ACO1: variants seen among roughly 807,000 people sequenced by gnomAD.
The protein encoded by ACO1 is aconitase 1.
A neutral mutation model predicts 105.1 loss-of-function variants in ACO1; 78 were observed. That is an observed-to-expected ratio of 0.74 (90% CI 0.62 to 0.90). ACO1 has a LOEUF of 0.90. Ranked by LOEUF, ACO1 falls within the 40% of genes least tolerant of loss-of-function variation. The pLI, the probability that ACO1 is intolerant of heterozygous loss-of-function variation, is 0.00. For synonymous variants in ACO1, 364 were observed against 397.4 expected, an observed-to-expected ratio of 0.92 and a Z score of 1.00; for missense variants, 965 against 1,111.1, an observed-to-expected ratio of 0.87 and a Z score of 1.87.
At chr9:32,444,504 A>G (rs1301252414) in intron 19 of ACO1, among the ~76,000 whole-genome samples, 1 of 152,132 alleles carries the variant, frequency 6.6e-6, no homozygotes, top group African/African-American at 2.4e-5. Context: ...CTGACTTTTT[A>G]ATGATCGCCA....
At chr9:32,449,241 C>T (rs1185258766) in intron 20 of ACO1, among the ~76,000 whole-genome samples, 160 bp downstream of exon 20, 1 of 152,030 alleles carries the variant, frequency 6.6e-6, no homozygotes, top group East Asian at 1.9e-4. Context: ...TTCTACCTGC[C>T]TTCATAGCAT....
At chr9:32,432,658 A>G (rs1390298345) in intron 15 of ACO1, among the ~76,000 whole-genome samples, 1 of 152,220 alleles carries the variant, frequency 6.6e-6, no homozygotes, top group Non-Finnish European at 1.5e-5. Flanking sequence ...CTGGAAGGCC[A>G]CTTCCCAAAA....
chr9:32,450,048 G>A lies in ACO1; in HGVS notation c.2607G>A (p.Val869=). 6.2e-7 allele frequency: 1 copy of A among 1,614,120 alleles called. No individual in the cohort carries two copies. Residue 869 remains valine, a synonymous_variant, in exon 21 of 21, where the codon GTG becomes GTA. Coordinates refer to ENST00000309951, the MANE Select transcript of ACO1 (RefSeq NM_002197.3). ...FQAVMRFDTD[V]ELTYFLNGGI... Reference sequence around the variant, plus strand: ...CTGTCATGAGGTTTGACACTGATGTGGAGCTCACTTATTTCCTCAACGGGG... The same window carrying A: ...CTGTCATGAGGTTTGACACTGATGTAGAGCTCACTTATTTCCTCAACGGGG...
At chr9:32,393,964 C>A (rs1821319413) in intron 1 of ACO1, among the ~76,000 whole-genome samples, 1 of 152,148 alleles carries the variant, frequency 6.6e-6, no homozygotes, top group African/African-American at 2.4e-5. Flanking sequence ...AAAATCAAAT[C>A]TCATCTTAAA....
At chr9:32,418,778 C>G (rs1205393406) in intron 6 of ACO1, among the ~76,000 whole-genome samples, 1 of 152,088 alleles carries the variant, frequency 6.6e-6, no homozygotes, top group Admixed American at 6.6e-5. Context: ...AATAGAGACT[C>G]CCAAAGCTTA....
intron 7 of ACO1, among the ~76,000 whole-genome samples, chr9:32,419,667 T>G (rs1821927414): frequency 6.6e-6 from 1 of 152,268 alleles, no homozygotes; most frequent in Non-Finnish European, 1.5e-5. Flanking sequence ...CTTCCTTTTA[T>G]GTAAATAGCA....
intron 1 of ACO1, among the ~76,000 whole-genome samples, chr9:32,404,949 T>C (rs944260654): frequency 2.0e-5 from 3 of 152,224 alleles, no homozygotes; most frequent in African/African-American, 4.8e-5. Context: ...CTAGGGTATA[T>C]ACCTTTATAA....
At chr9:32,401,332 G>GTT (rs56109134) in intron 1 of ACO1, among the ~76,000 whole-genome samples, 12 of 148,282 alleles carry the variant, frequency 8.1e-5, no homozygotes, top group African/African-American at 2.7e-4. Flanking sequence ...GATTTTAAGG[G>GTT]TTTTTTTTTT....
intron 9 of ACO1, 121 bp downstream of exon 9, chr9:32,423,540 G>C: frequency 1.4e-6 from 1 of 729,244 alleles, no homozygotes. Context: ...CATTACAAGA[G>C]AACGGAGTTT....
At chr9:32,391,861 T>C (rs567466328) in intron 1 of ACO1, among the ~76,000 whole-genome samples, 1 of 152,342 alleles carries the variant, frequency 6.6e-6, no homozygotes, top group South Asian at 2.1e-4. Flanking sequence ...ACAAGAGCTA[T>C]GATGGGTGGA....
At chr9:32,398,573 C>G (rs908144327) in intron 1 of ACO1, among the ~76,000 whole-genome samples, 7 of 119,190 alleles carry the variant, frequency 5.9e-5, no homozygotes, top group South Asian at 3.2e-4. Flanking sequence ...TTCTTTCTTT[C>G]TTTGTTTTTT....
chr9:32,434,497 C>T, intron 16 of ACO1, 62 bp from the exon 17 acceptor site: 1 of 1,601,940 alleles, frequency 6.2e-7, no homozygotes, highest in Non-Finnish European at 8.5e-7. Flanking sequence ...ATCGTAGAGA[C>T]TGATCTGGTA....
intron 1 of ACO1, among the ~76,000 whole-genome samples, chr9:32,387,394 T>C (rs1377860319): frequency 1.3e-5 from 2 of 152,210 alleles, no homozygotes; most frequent in Non-Finnish European, 2.9e-5. Context: ...AAATAAGCCA[T>C]GGTGGGAATA....
chr9:32,412,689 C>G (rs1239352348), intron 4 of ACO1, among the ~76,000 whole-genome samples: 1 of 152,188 alleles, frequency 6.6e-6, no homozygotes, highest in Non-Finnish European at 1.5e-5. Context: ...CCCCAACCTT[C>G]CTTTTTTCCT....
intron 2 of ACO1, 57 bp downstream of exon 2, chr9:32,405,660 GTAAT>G: frequency 7.9e-7 from 1 of 1,263,908 alleles, no homozygotes; most frequent in East Asian, 2.4e-5. Context: ...ATTAGGCTAT[GTAAT>G]TAATTACACT....
At chr9:32,433,661 G>A in intron 15 of ACO1, 67 bp from the exon 16 acceptor site, 2 of 1,188,042 alleles carry the variant, frequency 1.7e-6, no homozygotes, top group Non-Finnish European at 2.4e-6. Context: ...TGTATGTTTT[G>A]TGTTTGCATA....
At chr9:32,445,194 C>T (rs1208959712) in intron 19 of ACO1, among the ~76,000 whole-genome samples, 2 of 152,104 alleles carry the variant, frequency 1.3e-5, no homozygotes, top group Non-Finnish European at 2.9e-5. Context: ...ATGGTACCAG[C>T]TCCTCTTTGT....
intron 9 of ACO1, 25 bp from the exon 10 acceptor site, chr9:32,424,524 A>C (rs1371152270): frequency 6.6e-7 from 1 of 1,508,510 alleles, no homozygotes; most frequent in African/African-American, 1.4e-5. Flanking sequence ...TAAATTCTAT[A>C]ATTTCTTTTC....
intron 19 of ACO1, among the ~76,000 whole-genome samples, chr9:32,441,107 T>G (rs1384551485): frequency 6.6e-6 from 1 of 152,198 alleles, no homozygotes; most frequent in Non-Finnish European, 1.5e-5. Flanking sequence ...GAGAATCACT[T>G]TTTATAATTG....
Sources: gnomAD v4.1 joint callset for allele counts (sites outside exome capture counted in the v4.1 genomes callset) on GRCh38, gnomAD v4.1.1 for gene constraint, MANE v1.5 for transcripts, NCBI Gene and HGNC (gene_info 2026-07-23, HGNC 2026-07-21) for gene names.